Variants in MTCL2 observed in about 807,000 individuals in gnomAD.
MTCL2 encodes microtubule crosslinking factor 2, also known as microtubule cross-linking factor 2.
At chr20:36,862,597 C>T in the MTCL2 span, 2 of 1,407,058 alleles carry the variant, frequency 1.4e-6, no homozygotes, top group Non-Finnish European at 1.9e-6. Context: ...GTGCCTCAGG[C>T]CCGCGGGACT....
At chr20:36,825,190 G>A in the MTCL2 span, among the ~76,000 whole-genome samples, 10 of 152,200 alleles carry the variant, frequency 6.6e-5, no homozygotes, top group South Asian at 1.9e-3. Flanking sequence ...TGATCCACCC[G>A]CCTTGGCCTC....
chr20:36,789,918 A>G, the MTCL2 span, among the ~76,000 whole-genome samples: 1 of 150,942 alleles, frequency 6.6e-6, no homozygotes, highest in African/African-American at 2.4e-5. Context: ...GGTTCCAGCA[A>G]TTCTCATGCC....
chr20:36,815,280 T>C, the MTCL2 span: 5 of 1,614,020 alleles, frequency 3.1e-6, no homozygotes. This position sits in a 1 kb window ranked among gnomAD's most constrained non-coding sequence, Gnocchi z 5.3. Context: ...CAGCTCCTGC[T>C]GCAGCACGCT....
At chr20:36,784,049 G>A in the MTCL2 span, 22 of 985,550 alleles carry the variant, frequency 2.2e-5, no homozygotes, top group Non-Finnish European at 2.7e-5. Flanking sequence ...TGGACGGTAC[G>A]ATGGTAAGGC....
chr20:36,833,472 C>A, the MTCL2 span, among the ~76,000 whole-genome samples: 53 of 152,386 alleles, frequency 3.5e-4, no homozygotes, highest in South Asian at 3.1e-3. Context: ...GCCTCCAGCC[C>A]CTGCTCCCCA....
chr20:36,777,956 A>G, the MTCL2 span: 1 of 572,620 alleles, frequency 1.7e-6, no homozygotes, highest in Non-Finnish European at 3.1e-6. Flanking sequence ...GATTTCTTTC[A>G]GTTTGAAGAG....
the MTCL2 span, chr20:36,815,988 C>T: frequency 8.1e-6 from 13 of 1,613,720 alleles, no homozygotes; most frequent in Non-Finnish European, 1.1e-5. The surrounding 1 kb of genome is among the most constrained non-coding windows in gnomAD (Gnocchi z 5.3). Context: ...ACAGCCACCT[C>T]CATGATCCTT....
At chr20:36,834,986 C>A in the MTCL2 span, among the ~76,000 whole-genome samples, 3 of 151,508 alleles carry the variant, frequency 2.0e-5, no homozygotes, top group Non-Finnish European at 4.4e-5. Context: ...CAGAGTGAGA[C>A]CCTGCCTTAA....
At chr20:36,812,993 G>A in the MTCL2 span, 24 of 950,014 alleles carry the variant, frequency 2.5e-5, no homozygotes, top group Non-Finnish European at 9.1e-6. Context: ...ATTCACCTCT[G>A]CAACCCAGAC....
At chr20:36,794,311 CG>C in the MTCL2 span, 1 of 1,563,242 alleles carries the variant, frequency 6.4e-7, no homozygotes, top group Non-Finnish European at 8.7e-7. The surrounding 1 kb of genome is among the most constrained non-coding windows in gnomAD (Gnocchi z 5.4). Flanking sequence ...GCCGGGCCAC[CG>C]GGGGACTATA....
the MTCL2 span, chr20:36,808,883 C>G: frequency 5.8e-6 from 4 of 691,406 alleles, no homozygotes; most frequent in Non-Finnish European, 9.5e-6. Context: ...CCACACGTGG[C>G]GCAATCTATT....
chr20:36,785,768 T>C, the MTCL2 span: 7 of 985,480 alleles, frequency 7.1e-6, no homozygotes, highest in African/African-American at 1.0e-4. Context: ...GGAAGGCAAT[T>C]GCAATCACTC....
the MTCL2 span, chr20:36,829,289 C>A: frequency 7.0e-7 from 1 of 1,437,072 alleles, no homozygotes; most frequent in Non-Finnish European, 9.3e-7. Context: ...GACCACCCGA[C>A]TTTCACAGCA....
chr20:36,836,341 A>ATTTTTT, the MTCL2 span, among the ~76,000 whole-genome samples: 1 of 85,406 alleles, frequency 1.2e-5, no homozygotes, highest in African/African-American at 5.4e-5. Flanking sequence ...CGCCCAGCTA[A>ATTTTTT]TTTTTTTTTT....
At chr20:36,839,251 C>T in the MTCL2 span, 1 of 1,606,838 alleles carries the variant, frequency 6.2e-7, no homozygotes, top group Non-Finnish European at 8.5e-7. The surrounding 1 kb of genome is among the most constrained non-coding windows in gnomAD (Gnocchi z 5.1). Flanking sequence ...GATAAGCTCG[C>T]CGTCCACCTG....
the MTCL2 span, chr20:36,796,939 T>C: frequency 6.2e-7 from 1 of 1,613,970 alleles, no homozygotes; most frequent in Non-Finnish European, 8.5e-7. Context: ...GTCGTGGATC[T>C]TCTCACTGCG....
chr20:36,800,283 GA>G, the MTCL2 span, among the ~76,000 whole-genome samples: 2 of 152,212 alleles, frequency 1.3e-5, no homozygotes, highest in Admixed American at 6.5e-5. Flanking sequence ...AATCATTTTA[GA>G]AACATTTTGT....
the MTCL2 span, among the ~76,000 whole-genome samples, chr20:36,835,818 G>A: frequency 8.6e-5 from 13 of 151,954 alleles, no homozygotes; most frequent in Non-Finnish European, 8.8e-5. Flanking sequence ...CCCAGACTCC[G>A]GAGAGCCACA....
chr20:36,796,358 G>A, the MTCL2 span, among the ~76,000 whole-genome samples: 15 of 152,286 alleles, frequency 9.8e-5, no homozygotes, highest in Non-Finnish European at 1.3e-4. Flanking sequence ...AGCCTGTCCC[G>A]CCTGCCTTGC....
Sources: allele counts gnomAD v4.1 joint callset (sites outside exome capture counted in the v4.1 genomes callset), GRCh38; gene constraint gnomAD v4.1.1; non-coding constraint Gnocchi (gnomAD v3.1); transcripts MANE v1.5; gene names NCBI Gene and HGNC (gene_info 2026-07-23, HGNC 2026-07-21).